The following NEURL1 variants were observed in gnomAD, a reference collection of about 807,000 sequenced individuals.
The protein encoded by NEURL1 is E3 ubiquitin-protein ligase NEURL1.
A neutral mutation model predicts 41.2 loss-of-function variants in NEURL1; 26 were observed. The ratio of observed to expected loss-of-function variants is 0.63; its 90% CI spans 0.46 to 0.87. The LOEUF (loss-of-function observed/expected upper bound fraction) is 0.87. Ranked by LOEUF, NEURL1 falls within the 40% of genes least tolerant of loss-of-function variation. The pLI is 0.00. For synonymous variants in NEURL1, 400 were observed against 402.3 expected, an observed-to-expected ratio of 0.99 and a Z score of 0.07; for missense variants, 761 against 871.1, an observed-to-expected ratio of 0.87 and a Z score of 1.59.
rs1235797854 is a variant in NEURL1, at chr10:103,584,710, A to G, written c.824A>G (p.Gln275Arg). ...AAPAAGCPIP[Q>R]NSLNSQHSRA... ...CCGGCCGCCGGCTGCCCCATCCCGC[A>G]GAACTCACTCAACTCGCAGCACAGC... Residue 275 changes from glutamine (Q) to arginine (R), a missense_variant, in exon 4 of 6, where the codon CAG becomes CGG. By Grantham distance (43) the Gln-to-Arg change is conservative (BLOSUM62 1). This residue lies in a region of NEURL1 where 443 missense variants were observed against 408.1 expected (regional missense o/e 1.09). Coordinates refer to ENST00000369780, the MANE Select transcript of NEURL1 (RefSeq NM_004210.5). 1 of 1,466,282 alleles carries G rather than the reference A, an allele frequency of 6.8e-7. No homozygotes were observed. The highest frequency in any genetic ancestry group is 9.0e-7 in the Non-Finnish European group (1 of 1,114,730). 90.8% of individuals were successfully genotyped at this position (1,466,282 alleles called of 1,614,324 possible).
intron 1 of NEURL1, among the ~76,000 whole-genome samples, chr10:103,496,382 G>A (rs891447912): frequency 1.3e-5 from 2 of 152,310 alleles, no homozygotes; most frequent in South Asian, 2.1e-4. Context: ...ACAAAGTTGT[G>A]AAGACTGTAT....
At position 103,514,645 on chromosome 10, in the gene NEURL1, C is replaced by T. The variant is rs554013842; in HGVS notation, c.85+20173C>T. On this transcript the variant is annotated intron_variant, in intron 1 of 5. Transcript: ENST00000369780. ...TGGTGGAGAACAGAGGGAGTAGCCCCTGGCACTGTGGCAAGGGAGTGAGAT... is the reference window on the plus strand; with the variant it reads ...TGGTGGAGAACAGAGGGAGTAGCCCTTGGCACTGTGGCAAGGGAGTGAGAT... Among the ~76,000 whole-genome samples the T allele has an allele frequency of 1.7e-4, 26 of 152,324 alleles. No homozygotes were observed. The South Asian group carries it at 4.3e-3, about 25-fold the overall frequency.
chr10:103,536,881 C>A (rs2034704501), intron 1 of NEURL1, among the ~76,000 whole-genome samples: 1 of 152,148 alleles, frequency 6.6e-6, no homozygotes, highest in Admixed American at 6.5e-5. Flanking sequence ...TTCATTTTCC[C>A]AAACTGGAAC....
intron 1 of NEURL1, among the ~76,000 whole-genome samples, chr10:103,535,538 C>A (rs1051241610): frequency 2.0e-5 from 3 of 152,146 alleles, no homozygotes; most frequent in Admixed American, 6.5e-5. Context: ...TGCAGAGCAC[C>A]ACTTTAGCTT....
chr10:103,580,151 G>A (rs1279934999), intron 3 of NEURL1, among the ~76,000 whole-genome samples: 1 of 151,964 alleles, frequency 6.6e-6, no homozygotes, highest in Non-Finnish European at 1.5e-5. Flanking sequence ...GCCCTGGCAG[G>A]GTCTGCTTAT....
chr10:103,515,599 G>C (rs2034186031), intron 1 of NEURL1, among the ~76,000 whole-genome samples: 1 of 152,232 alleles, frequency 6.6e-6, no homozygotes, highest in Non-Finnish European at 1.5e-5. Context: ...ACTTCTGCAA[G>C]GTCAGTGAGA....
At chr10:103,503,686 G>A (rs2033877278) in intron 1 of NEURL1, among the ~76,000 whole-genome samples, 1 of 152,096 alleles carries the variant, frequency 6.6e-6, no homozygotes, top group Non-Finnish European at 1.5e-5. Flanking sequence ...ACCCTTTAGT[G>A]GGAAGGCAGA....
chr10:103,588,228 C>A (rs2035962642), intron 4 of NEURL1, among the ~76,000 whole-genome samples: 1 of 151,652 alleles, frequency 6.6e-6, no homozygotes. Flanking sequence ...ATGGTGTGAA[C>A]CCGGGAGGTG....
At chr10:103,564,978 A>G (rs539197915) in intron 1 of NEURL1, among the ~76,000 whole-genome samples, 40 of 152,276 alleles carry the variant, frequency 2.6e-4, no homozygotes, top group African/African-American at 8.4e-4. Flanking sequence ...AGTCCATGAG[A>G]ACAGCGCCCC....
At chr10:103,576,828 G>A (rs2035676653) in intron 3 of NEURL1, among the ~76,000 whole-genome samples, 1 of 152,152 alleles carries the variant, frequency 6.6e-6, no homozygotes. Flanking sequence ...GGAGAGAGCT[G>A]TATGGAGACT....
At chr10:103,521,469 T>G (rs943486329) in intron 1 of NEURL1, among the ~76,000 whole-genome samples, 2 of 152,104 alleles carry the variant, frequency 1.3e-5, no homozygotes, top group African/African-American at 4.8e-5. Context: ...GAGCTTGATG[T>G]GTAGGGAAGG....
intron 1 of NEURL1, among the ~76,000 whole-genome samples, chr10:103,543,245 T>C (rs1343752507): frequency 6.6e-6 from 1 of 152,206 alleles, no homozygotes; most frequent in Non-Finnish European, 1.5e-5. Flanking sequence ...GGCTCTGCAC[T>C]CTGGCTCCCC....
chr10:103,541,752 C>T (rs2034825464), intron 1 of NEURL1, among the ~76,000 whole-genome samples: 1 of 152,186 alleles, frequency 6.6e-6, no homozygotes, highest in Non-Finnish European at 1.5e-5. Flanking sequence ...CTATCTATTG[C>T]AATAACAAAT....
At position 103,590,438 on chromosome 10, in the gene NEURL1, C is replaced by G. The variant is rs2036017196; in HGVS notation, c.*66C>G. 7.1e-6 allele frequency: 10 copies of G among 1,415,052 alleles called. No homozygotes were observed. 87.7% of individuals were successfully genotyped at this position (1,415,052 alleles called of 1,614,324 possible). On this transcript the variant is annotated 3_prime_UTR_variant, in exon 6 of 6. Transcript: ENST00000369780. The stretch of plus-strand genomic sequence containing the variant: ...CTTCAGCCCAGTCCCAGCTGAGGAA[C>G]AAGCCAGTGGGGCCCCTTCTCTTCC...
intron 1 of NEURL1, among the ~76,000 whole-genome samples, chr10:103,564,068 G>A (rs1263354323): frequency 2.0e-5 from 3 of 152,204 alleles, no homozygotes; most frequent in Non-Finnish European, 4.4e-5. Context: ...CTCTGCCAGT[G>A]GTTCTGGGGC....
chr10:103,571,898 C>A, intron 3 of NEURL1, 76 bp downstream of exon 3: 3 of 1,394,532 alleles, frequency 2.2e-6, no homozygotes, highest in African/African-American at 1.4e-5. Flanking sequence ...TGGCACTGTT[C>A]AATCCCATCA....
chr10:103,532,920 C>CTTTTTTTTTTTTTTT (rs144783148), intron 1 of NEURL1, among the ~76,000 whole-genome samples: 1 of 63,572 alleles, frequency 1.6e-5, no homozygotes, highest in Non-Finnish European at 2.6e-5. Context: ...TTCTCTTCTC[C>CTTTTTTTTTTTTTTT]TTTTTTTTTT....
intron 1 of NEURL1, among the ~76,000 whole-genome samples, chr10:103,503,374 G>A (rs1422023427): frequency 1.3e-5 from 2 of 152,182 alleles, no homozygotes; most frequent in East Asian, 1.9e-4. Context: ...TAAGAGAAGA[G>A]GAGGAGGAAT....
chr10:103,585,319 C>A (rs2035896746), intron 4 of NEURL1, 94 bp downstream of exon 4: 2 of 1,135,694 alleles, frequency 1.8e-6, no homozygotes, highest in Non-Finnish European at 1.2e-6. Flanking sequence ...TTCCTCCAGG[C>A]TCATGATGGT....
Sources: gnomAD v4.1 joint callset for allele counts (sites outside exome capture counted in the v4.1 genomes callset) on GRCh38, gnomAD v4.1.1 for gene constraint, gnomAD v4.1.1 regional missense constraint, MANE v1.5 for transcripts, NCBI Gene and HGNC (gene_info 2026-07-23, HGNC 2026-07-21) for gene names.